Variants in EXOC4 observed in about 807,000 individuals in gnomAD.
EXOC4 encodes SEC8-like 1.
In EXOC4, 71 loss-of-function variants were observed where a neutral mutation model predicts 107.2. The ratio of observed to expected loss-of-function variants is 0.66; its 90% confidence interval spans 0.55 to 0.81. The LOEUF (loss-of-function observed/expected upper bound fraction) is 0.81. Ranked by LOEUF, EXOC4 falls within the 30% of genes least tolerant of loss-of-function variation. The pLI is 0.00. For missense variants in EXOC4, 1,108 were observed against 1,189.6 expected, an observed-to-expected ratio of 0.93 and a Z score of 1.01; for synonymous variants, 456 against 441.2, an observed-to-expected ratio of 1.03 and a Z score of -0.42.
At chr7:133,579,945 T>C (rs1042955557) in intron 9 of EXOC4, among the ~76,000 whole-genome samples, 18 of 152,230 alleles carry the variant, frequency 1.2e-4, no homozygotes, top group African/African-American at 4.3e-4. Flanking sequence ...TCTGCCCGCC[T>C]TGGCCTCCCA....
At chr7:133,775,964 ATCTT>A (rs1026999689) in intron 10 of EXOC4, among the ~76,000 whole-genome samples, 1 of 152,168 alleles carries the variant, frequency 6.6e-6, no homozygotes, top group African/African-American at 2.4e-5. Context: ...AATTGCATCT[ATCTT>A]CTTTTTACTT....
intron 10 of EXOC4, among the ~76,000 whole-genome samples, chr7:133,696,547 T>C (rs1794537099): frequency 2.0e-5 from 3 of 152,226 alleles, no homozygotes; most frequent in Non-Finnish European, 4.4e-5. Context: ...TCCTCTTTTT[T>C]TTCCCCATGT....
chr7:133,489,560 C>T (rs1352844150), intron 9 of EXOC4, among the ~76,000 whole-genome samples: 1 of 152,142 alleles, frequency 6.6e-6, no homozygotes, highest in Non-Finnish European at 1.5e-5. Flanking sequence ...AGAAGAGTTT[C>T]CTCCCAACTT....
At chr7:133,481,304 C>T (rs1488606720) in intron 9 of EXOC4, among the ~76,000 whole-genome samples, 1 of 151,930 alleles carries the variant, frequency 6.6e-6, no homozygotes, top group African/African-American at 2.4e-5. Flanking sequence ...GGATAAATTG[C>T]TAGAGAAATT....
the EXOC4 span, among the ~76,000 whole-genome samples, chr7:134,099,721 G>A: frequency 7.9e-5 from 12 of 150,956 alleles, no homozygotes; most frequent in East Asian, 5.9e-4. Context: ...TAGTAGAGAC[G>A]GGGTTTCACC....
At chr7:133,474,007 C>T (rs1171655092) in intron 7 of EXOC4, among the ~76,000 whole-genome samples, 1 of 152,046 alleles carries the variant, frequency 6.6e-6, no homozygotes, top group South Asian at 2.1e-4. Flanking sequence ...TGCGCCTGGC[C>T]TGGGTCTTGT....
chr7:133,937,280 A>AT (rs1198592544), intron 13 of EXOC4, among the ~76,000 whole-genome samples: 2 of 151,948 alleles, frequency 1.3e-5, no homozygotes, highest in East Asian at 1.9e-4. Flanking sequence ...CCCAGCATTG[A>AT]TTTTTTTTAA....
chr7:133,900,159 G>A (rs139236048), intron 12 of EXOC4, among the ~76,000 whole-genome samples: 23 of 152,226 alleles, frequency 1.5e-4, no homozygotes, highest in African/African-American at 4.8e-4. Flanking sequence ...CTGTGAGGGT[G>A]TGTGGGGATA....
intron 12 of EXOC4, among the ~76,000 whole-genome samples, chr7:133,908,301 C>A (rs1799614933): frequency 1.3e-5 from 2 of 152,250 alleles, no homozygotes; most frequent in African/African-American, 2.4e-5. Flanking sequence ...GAATTAGATT[C>A]TCTGCCTTTC....
chr7:133,685,687 G>T (rs117901794), intron 10 of EXOC4, among the ~76,000 whole-genome samples: 2 of 152,082 alleles, frequency 1.3e-5, no homozygotes, highest in Admixed American at 6.6e-5. Context: ...AGACTAGGCC[G>T]ACTTGAGAAA....
chr7:133,299,069 T>C (rs773312822), intron 3 of EXOC4, among the ~76,000 whole-genome samples: 24 of 152,198 alleles, frequency 1.6e-4, no homozygotes, highest in Non-Finnish European at 2.9e-4. Flanking sequence ...GAAAAATGAT[T>C]GGAAAGAACT....
rs930735651 is a variant in EXOC4, at chr7:133,751,332, T to C, written c.1515-65993T>C. Among the ~76,000 whole-genome samples, 4 of 152,286 alleles carry C rather than the reference T, an allele frequency of 2.6e-5. No homozygotes were observed. The South Asian group carries it at 8.3e-4, about 32-fold the overall frequency. The stretch of plus-strand genomic sequence containing the variant: ...CCAAATTACAGCTCAAGACTTCTGC[T>C]TGAAATCTACAAATCCAATTAGTAA... On this transcript the variant is annotated intron_variant, in intron 10 of 17. Transcript: ENST00000253861.
the EXOC4 span, among the ~76,000 whole-genome samples, chr7:134,077,504 G>A: frequency 3.3e-5 from 5 of 152,164 alleles, no homozygotes; most frequent in African/African-American, 7.2e-5. Context: ...CCACTGTTGC[G>A]GGATTCAGGA....
intron 7 of EXOC4, among the ~76,000 whole-genome samples, chr7:133,385,999 T>C (rs1261794782): frequency 1.3e-5 from 2 of 152,202 alleles, no homozygotes; most frequent in South Asian, 2.1e-4. Context: ...TCATGTATGA[T>C]TGTTTTCTAA....
intron 7 of EXOC4, among the ~76,000 whole-genome samples, chr7:133,442,848 T>C (rs1041305369): frequency 3.3e-5 from 5 of 152,222 alleles, no homozygotes; most frequent in African/African-American, 1.2e-4. Context: ...TGGTCCCATT[T>C]GTAATAAAGA....
At chr7:133,880,940 A>G (rs966580985) in intron 11 of EXOC4, among the ~76,000 whole-genome samples, 1 of 152,118 alleles carries the variant, frequency 6.6e-6, no homozygotes, top group Non-Finnish European at 1.5e-5. Context: ...ATTTGACCTC[A>G]TATTTTTTCT....
At chr7:133,970,777 G>T (rs1801202463) in intron 14 of EXOC4, among the ~76,000 whole-genome samples, 1 of 151,708 alleles carries the variant, frequency 6.6e-6, no homozygotes, top group Admixed American at 6.6e-5. Context: ...ACCAACCCGA[G>T]CTGTTCCTAT....
chr7:133,580,520 A>G (rs1046958389), intron 9 of EXOC4, among the ~76,000 whole-genome samples: 14 of 152,142 alleles, frequency 9.2e-5, no homozygotes, highest in Non-Finnish European at 4.4e-5. Context: ...TTTCTGTTTA[A>G]TATATTGATT....
intron 11 of EXOC4, among the ~76,000 whole-genome samples, chr7:133,881,803 C>T (rs745659378): frequency 5.3e-5 from 8 of 152,132 alleles, no homozygotes; most frequent in Admixed American, 3.3e-4. Context: ...AACAATACTG[C>T]TATGTCTTCA....
Sources: gnomAD v4.1 joint callset for allele counts (sites outside exome capture counted in the v4.1 genomes callset) on GRCh38, gnomAD v4.1.1 for gene constraint, MANE v1.5 for transcripts, NCBI Gene and HGNC (gene_info 2026-07-23, HGNC 2026-07-21) for gene names.